Variants in STRADA observed in about 807,000 individuals in gnomAD.
STRADA encodes STE20 related adaptor alpha.
In STRADA, 26 loss-of-function variants were observed where a neutral mutation model predicts 55.0. The observed-to-expected ratio is 0.47, with a 90% CI of 0.35 to 0.66. The LOEUF is 0.66. Among genes scored for constraint, STRADA ranks in the 30% least tolerant of loss-of-function variants. STRADA has a pLI of 0.01. For missense variants in STRADA, 443 were observed against 549.7 expected, an observed-to-expected ratio of 0.81 and a Z score of 1.94; for synonymous variants, 197 against 210.9, an observed-to-expected ratio of 0.93 and a Z score of 0.57.
At chr17:63,718,182 C>G (rs2143997639) in intron 4 of STRADA, among the ~76,000 whole-genome samples, 1 of 152,310 alleles carries the variant, frequency 6.6e-6, no homozygotes, top group Middle Eastern at 3.4e-3. Flanking sequence ...CTCGGCCTCC[C>G]AAAGTACTGG....
At chr17:63,724,236 G>A (rs1305569909) in intron 3 of STRADA, among the ~76,000 whole-genome samples, 6 of 150,818 alleles carry the variant, frequency 4.0e-5, no homozygotes, top group South Asian at 2.1e-4. Flanking sequence ...TCCGCCTCCC[G>A]GGTTCAAGCG....
intron 6 of STRADA, among the ~76,000 whole-genome samples, chr17:63,712,063 C>G (rs565517293): frequency 6.6e-6 from 1 of 152,154 alleles, no homozygotes; most frequent in Non-Finnish European, 1.5e-5. Flanking sequence ...AGAGCACCAT[C>G]AGGTAACCAC....
intron 4 of STRADA, among the ~76,000 whole-genome samples, chr17:63,722,113 AG>A (rs2037358203): frequency 1.3e-5 from 2 of 152,376 alleles, no homozygotes; most frequent in African/African-American, 4.8e-5. Context: ...TAGTTTAATT[AG>A]TGCAATGTAA....
chr17:63,724,861 T>G (rs894267076), intron 3 of STRADA, among the ~76,000 whole-genome samples: 1 of 152,298 alleles, frequency 6.6e-6, no homozygotes, highest in East Asian at 1.9e-4. Context: ...AACTCATCAT[T>G]ATTCTAAACT....
At chr17:63,714,827 T>C (rs1197218812) in intron 4 of STRADA, among the ~76,000 whole-genome samples, 1 of 152,226 alleles carries the variant, frequency 6.6e-6, no homozygotes, top group Non-Finnish European at 1.5e-5. Context: ...TAGAGGAAGG[T>C]GTCCAGCCAT....
At chr17:63,710,010 G>T (rs2036380280) in intron 8 of STRADA, among the ~76,000 whole-genome samples, 1 of 151,084 alleles carries the variant, frequency 6.6e-6, no homozygotes, top group African/African-American at 2.4e-5. Flanking sequence ...CAGTGGCAAG[G>T]TCAGAATCCA....
intron 1 of STRADA, among the ~76,000 whole-genome samples, chr17:63,740,262 G>A (rs896870443): frequency 6.6e-6 from 1 of 150,820 alleles, no homozygotes; most frequent in African/African-American, 2.4e-5. Context: ...TGTAATCCCA[G>A]CACTTTGGGA....
intron 8 of STRADA, among the ~76,000 whole-genome samples, chr17:63,709,808 A>T (rs1037585193): frequency 1.3e-5 from 2 of 152,162 alleles, no homozygotes; most frequent in Non-Finnish European, 2.9e-5. Flanking sequence ...GACACTATCT[A>T]CTAAGCTATC....
chr17:63,723,248 A>G (rs1367844964), intron 4 of STRADA, 50 bp downstream of exon 4: 2 of 1,600,616 alleles, frequency 1.2e-6, no homozygotes, highest in Non-Finnish European at 1.7e-6. Context: ...TTCCACAAGA[A>G]GTCATCTCCA....
At chr17:63,712,941 C>T (rs558147392) in intron 6 of STRADA, among the ~76,000 whole-genome samples, 4 of 147,860 alleles carry the variant, frequency 2.7e-5, no homozygotes, top group South Asian at 4.2e-4. Flanking sequence ...GTGGGGGTTG[C>T]AGTGAGCCGA....
intron 8 of STRADA, among the ~76,000 whole-genome samples, chr17:63,709,145 G>A (rs925930876): frequency 9.2e-5 from 14 of 152,170 alleles, no homozygotes; most frequent in Admixed American, 2.0e-4. Flanking sequence ...GGGTCTGCAC[G>A]AGGGTTTCTT....
At chr17:63,709,785 G>T (rs1009137352) in intron 8 of STRADA, among the ~76,000 whole-genome samples, 1 of 152,138 alleles carries the variant, frequency 6.6e-6, no homozygotes. Context: ...TCCCTACTAT[G>T]AGCTGATTTC....
At chr17:63,728,595 A>G (rs2037808727) in intron 1 of STRADA, among the ~76,000 whole-genome samples, 182 bp from the exon 2 acceptor site, 1 of 152,104 alleles carries the variant, frequency 6.6e-6, no homozygotes, top group African/African-American at 2.4e-5. Context: ...GGCCAAGTAC[A>G]TTATAAAATT....
intron 10 of STRADA, 135 bp downstream of exon 10, chr17:63,706,500 G>C: frequency 1.4e-6 from 1 of 698,610 alleles, no homozygotes; most frequent in Admixed American, 2.4e-5. Flanking sequence ...CCCCCACTGG[G>C]TGGGACTTCT....
chr17:63,730,768 C>T (rs1046527804), intron 1 of STRADA, among the ~76,000 whole-genome samples: 2 of 151,980 alleles, frequency 1.3e-5, no homozygotes, highest in Non-Finnish European at 2.9e-5. Context: ...ACTATGTTGG[C>T]CAGGCTGGTC....
intron 4 of STRADA, among the ~76,000 whole-genome samples, chr17:63,720,124 C>A (rs534707437): frequency 6.0e-5 from 9 of 151,142 alleles, no homozygotes; most frequent in Admixed American, 3.3e-4. Context: ...AGGGCTCAAG[C>A]GGATCCTCCC....
intron 4 of STRADA, among the ~76,000 whole-genome samples, chr17:63,717,479 A>T (rs2036911): frequency 0.7 from 106,089 of 150,838 alleles, 38,548 homozygotes; most frequent in African/African-American, 0.92. Context: ...GGCTAAGTTT[A>T]TTTATTTATT....
intron 1 of STRADA, among the ~76,000 whole-genome samples, chr17:63,729,198 A>G (rs1265031613): frequency 6.6e-6 from 1 of 152,106 alleles, no homozygotes; most frequent in Non-Finnish European, 1.5e-5. Flanking sequence ...CTGCTTTTTA[A>G]TAATTATTCT....
At chr17:63,726,733 C>T (rs1368537483) in intron 2 of STRADA, 38 bp from the exon 3 acceptor site, 1 of 1,607,572 alleles carries the variant, frequency 6.2e-7, no homozygotes, top group Admixed American at 1.7e-5. Context: ...AGTATTTCTT[C>T]CAAGCCGCAA....
Sources: gnomAD v4.1 joint callset for allele counts (sites outside exome capture counted in the v4.1 genomes callset) on GRCh38, gnomAD v4.1.1 for gene constraint, MANE v1.5 for transcripts, NCBI Gene and HGNC (gene_info 2026-07-23, HGNC 2026-07-21) for gene names.